The following GALNT1 variants were observed in gnomAD, a reference collection of about 807,000 sequenced individuals.
GALNT1 encodes the protein polypeptide N-acetylgalactosaminyltransferase 1.
Under a neutral mutation model 65.7 loss-of-function variants are expected in GALNT1, and 17 were observed. The observed-to-expected ratio is 0.26, with a 90% CI of 0.18 to 0.39. GALNT1 has a LOEUF of 0.39. Ranked by LOEUF, GALNT1 falls within the 10% of genes least tolerant of loss-of-function variation. The pLI is 1.00. For synonymous variants in GALNT1, 210 were observed against 219.7 expected (o/e 0.96, Z 0.39); for missense variants, 460 against 672.8 (o/e 0.68, Z 3.50).
At chr18:35,597,076 C>T (rs1328868853) in intron 1 of GALNT1, 1 of 152,182 alleles carries the variant, frequency 6.6e-6, no homozygotes, top group Admixed American at 6.5e-5. Context: ...CTCTTGGGGG[C>T]TAGGAAGCAG....
chr18:35,663,345 C>T lies in GALNT1; in HGVS notation c.140-283C>T, dbSNP rs146558776. On this transcript the variant is annotated intron_variant, in intron 2 of 11. Coordinates refer to ENST00000269195, the MANE Select transcript of GALNT1 (RefSeq NM_020474.4). ...GCCATAAGAATAACAATGAAGGCTG[C>T]ACTTTAAGGAGATCAGTGTGGCAGT... is the stretch of plus-strand genomic sequence containing the variant. Among the ~76,000 whole-genome samples the T allele has an allele frequency of 2.1e-3, 317 of 152,270 alleles. 2 individuals carry two copies. Among genetic ancestry groups the T allele is most frequent in the South Asian group, 3.3e-3 (16 of 4,832 alleles).
At chr18:35,658,098 A>G (rs1190726675) in intron 2 of GALNT1, among the ~76,000 whole-genome samples, 3 of 152,222 alleles carry the variant, frequency 2.0e-5, no homozygotes, top group Admixed American at 6.5e-5. Context: ...GTTTTGTACA[A>G]AAGTACAAGC....
chr18:35,642,198 GTAA>G (rs2047172770), intron 1 of GALNT1, among the ~76,000 whole-genome samples: 1 of 152,202 alleles, frequency 6.6e-6, no homozygotes, highest in Admixed American at 6.5e-5. Context: ...AGTATTGCTT[GTAA>G]TAACGGAAAC....
At chr18:35,655,700 T>G (rs974036306) in intron 2 of GALNT1, among the ~76,000 whole-genome samples, 6 of 152,120 alleles carry the variant, frequency 3.9e-5, no homozygotes, top group Non-Finnish European at 7.4e-5. Flanking sequence ...TTTAAATTTT[T>G]TATACTTTTA....
Position 35,683,418 on chromosome 18 carries a change from A to G in GALNT1, c.509A>G (p.Tyr170Cys). Reference protein sequence around the residue: ...RDFLKRPLESYVKKLKVPVHV... With the variant: ...RDFLKRPLESCVKKLKVPVHV... Reference sequence around the variant, plus strand: ...TTTTTGAAAAGGCCTTTAGAGAGTTATGTGAAAAAACTAAAAGTACCAGTT... The same window carrying G: ...TTTTTGAAAAGGCCTTTAGAGAGTTGTGTGAAAAAACTAAAAGTACCAGTT... Residue 170 changes from tyrosine to cysteine, a missense_variant, in exon 5 of 12, where the codon TAT becomes TGT. Transcript: ENST00000269195. 1.2e-6 allele frequency: 2 copies of G among 1,613,494 alleles called. No individual in the cohort carries two copies. The highest frequency in any genetic ancestry group is 1.7e-6 in the Non-Finnish European group (2 of 1,179,660).
intron 8 of GALNT1, among the ~76,000 whole-genome samples, chr18:35,691,513 A>AT (rs1456935675): frequency 1.3e-5 from 2 of 151,862 alleles, no homozygotes; most frequent in Non-Finnish European, 2.9e-5. Context: ...ATTTTCAGCC[A>AT]TTTTTCTAGC....
At chr18:35,581,681 G>T (rs1161018692), upstream of GALNT1, 1 of 1,310 alleles carries the variant, frequency 7.6e-4, no homozygotes, top group African/African-American at 3.3e-3. Flanking sequence ...GGAGGCGGGG[G>T]CGGGCGCGGC....
intron 1 of GALNT1, among the ~76,000 whole-genome samples, chr18:35,644,456 A>C (rs773047741): frequency 3.7e-4 from 56 of 152,228 alleles, no homozygotes; most frequent in Non-Finnish European, 6.2e-4. Flanking sequence ...AGCCGTACTC[A>C]CTTTGGCTAC....
Position 35,597,171 on chromosome 18 carries a change from A to G in GALNT1, c.-104+15309A>G, listed in dbSNP as rs78951150. 1,416 of 152,342 alleles carry G rather than the reference A, an allele frequency of 9.3e-3. 17 individuals are homozygous for G. Among genetic ancestry groups the G allele is most frequent in the South Asian group, 0.019 (91 of 4,826 alleles). 9.4% of individuals were successfully genotyped at this position (152,342 alleles called of 1,614,324 possible). On this transcript the variant is annotated intron_variant, in intron 1 of 11. Coordinates refer to ENST00000269195, the MANE Select transcript of GALNT1 (RefSeq NM_020474.4). ...TTTCATCCTTGAATGTTACTTGCCC[A>G]AGATTTAAGAGTCCTGGAGAAAGCA...
chr18:35,681,605 A>G (rs1454636067), intron 4 of GALNT1, among the ~76,000 whole-genome samples: 1 of 152,054 alleles, frequency 6.6e-6, no homozygotes, highest in African/African-American at 2.4e-5. Context: ...TTTTGGAAAA[A>G]CTTGTTGGGA....
intron 4 of GALNT1, among the ~76,000 whole-genome samples, chr18:35,682,748 C>T (rs1291030935): frequency 6.6e-6 from 1 of 151,906 alleles, no homozygotes; most frequent in Non-Finnish European, 1.5e-5. Context: ...CTCTCCCTTT[C>T]CCCTTTTGCC....
intron 1 of GALNT1, among the ~76,000 whole-genome samples, chr18:35,642,685 A>G (rs2047180039): frequency 2.0e-5 from 3 of 151,742 alleles, no homozygotes; most frequent in South Asian, 2.1e-4. Context: ...CTCATAATAT[A>G]TAATTATGAC....
rs763216241 is a variant in GALNT1, at chr18:35,709,796, A to C, written c.*26A>C. On this transcript the variant is annotated 3_prime_UTR_variant, in exon 12 of 12. Transcript: ENST00000269195. ...GACCAAATTTACAAAAAAACGAAAA[A>C]AATAAGGATTGACTGGGCTACCTCA... 4 of 1,613,116 alleles carry C rather than the reference A, an allele frequency of 2.5e-6. No individual in the cohort carries two copies. In the East Asian group the frequency reaches 8.9e-5, roughly 36 times the overall value.
At chr18:35,703,447 G>C in intron 10 of GALNT1, 62 bp from the exon 11 acceptor site, 1 of 1,444,350 alleles carries the variant, frequency 6.9e-7, no homozygotes, top group Non-Finnish European at 9.6e-7. Context: ...ACAGCTAATT[G>C]GGCATTTAAA....
chr18:35,606,337 G>A (rs899091752), intron 1 of GALNT1, among the ~76,000 whole-genome samples: 2 of 152,198 alleles, frequency 1.3e-5, no homozygotes, highest in Non-Finnish European at 2.9e-5. Flanking sequence ...AACCAGAAAT[G>A]TTTGGTAGGC....
In GALNT1 at chr18:35,698,981, C is replaced by G. The variant is rs190128267; in HGVS notation, c.1300-3916C>G. Among the ~76,000 whole-genome samples the G allele has an allele frequency of 3.6e-3, 549 of 151,932 alleles. 2 individuals are homozygous for G. Among genetic ancestry groups the G allele is most frequent in the Middle Eastern group, 6.8e-3 (2 of 292 alleles). On this transcript the variant is annotated intron_variant, in intron 9 of 11. Transcript: ENST00000269195. The stretch of plus-strand genomic sequence containing the variant: ...TGGGCGACAGAGTGAGACTCTGTCT[C>G]AAAAATAAAATAAATAAAATAAAAT...
At chr18:35,676,420 C>G (rs1301265822) in intron 3 of GALNT1, among the ~76,000 whole-genome samples, 1 of 152,128 alleles carries the variant, frequency 6.6e-6, no homozygotes, top group African/African-American at 2.4e-5. Context: ...TTCTTTCAAC[C>G]CTTTTACCTT....
rs566477744 is a variant in GALNT1 at position 35,682,439 on chromosome 18, A to G, written c.482-952A>G. ...CTAGGGGTTCCAGTAGTTCCATCTCAAATATTTTCTTCCCTAGAGAGATTA... is the reference window on the plus strand; with the variant it reads ...CTAGGGGTTCCAGTAGTTCCATCTCGAATATTTTCTTCCCTAGAGAGATTA... On this transcript the variant is annotated intron_variant, in intron 4 of 11. Transcript: ENST00000269195. Among the ~76,000 whole-genome samples, 18 of 152,222 alleles carry G rather than the reference A, an allele frequency of 1.2e-4. No individual in the cohort carries two copies. The South Asian group carries it at 1.7e-3, about 14-fold the overall frequency.
chr18:35,641,846 T>A (rs1176352798), intron 1 of GALNT1, among the ~76,000 whole-genome samples: 1 of 152,196 alleles, frequency 6.6e-6, no homozygotes, highest in Non-Finnish European at 1.5e-5. Flanking sequence ...ATACTTTAGA[T>A]CAGGGGTCGG....
Sources: gnomAD v4.1 joint callset for allele counts (sites outside exome capture counted in the v4.1 genomes callset) on GRCh38, gnomAD v4.1.1 for gene constraint, MANE v1.5 for transcripts, NCBI Gene and HGNC (gene_info 2026-07-23, HGNC 2026-07-21) for gene names.